NCOR1: variants seen among roughly 807,000 people sequenced by gnomAD.
The protein encoded by NCOR1 is nuclear receptor corepressor 1, also known as protein phosphatase 1, regulatory subunit 109.
NCOR1 carries 63 observed loss-of-function variants against 288.1 expected under a neutral mutation model. The observed-to-expected ratio is 0.22, with a 90% CI of 0.18 to 0.27. NCOR1 has a LOEUF of 0.27. NCOR1 is among the 10% of genes least tolerant of loss of function. The probability of loss-of-function intolerance (pLI) is 1.00; values close to 1 mark genes in which losing one functional copy is unlikely to be tolerated. For missense variants in NCOR1, 2,397 were observed against 3,019.2 expected, an observed-to-expected ratio of 0.79 and a Z score of 4.83; for synonymous variants, 1,007 against 1,065.9, an observed-to-expected ratio of 0.94 and a Z score of 1.08.
Position 16,215,442 on chromosome 17 carries a change from G to A in NCOR1, c.-151C>T, listed in dbSNP as rs2092469411. 2 of 397,274 alleles carry A rather than the reference G, an allele frequency of 5.0e-6. No homozygotes were observed. The highest frequency in any genetic ancestry group is 8.9e-6 in the Non-Finnish European group (2 of 225,228). 24.6% of individuals were successfully genotyped at this position (397,274 alleles called of 1,614,324 possible). ...CGGCCACGGCGCGCGGCCCTACACC[G>A]GGACCTCGTTCGGCGCGGCGAGTCG... is the stretch of plus-strand genomic sequence containing the variant. On this transcript the variant is annotated 5_prime_UTR_variant, in exon 1 of 46. Transcript: ENST00000268712.
chr17:16,159,788 C>T (rs1041486306), intron 5 of NCOR1, among the ~76,000 whole-genome samples: 1 of 151,388 alleles, frequency 6.6e-6, no homozygotes, highest in African/African-American at 2.4e-5. Flanking sequence ...GCCTCAGGGT[C>T]ACCCTTTACA....
intron 3 of NCOR1, among the ~76,000 whole-genome samples, chr17:16,177,411 A>AC (rs1233178070): frequency 6.6e-6 from 1 of 150,444 alleles, no homozygotes; most frequent in African/African-American, 2.5e-5. Context: ...TTTTCCAGGA[A>AC]TATATTCGCC....
At chr17:16,168,885 T>G (rs74392766) in intron 4 of NCOR1, among the ~76,000 whole-genome samples, 1 of 150,766 alleles carries the variant, frequency 6.6e-6, no homozygotes, top group Non-Finnish European at 1.5e-5. Context: ...GCAGGAGAAT[T>G]GCTGGGAGGT....
intron 13 of NCOR1, 86 bp from the exon 14 acceptor site, chr17:16,137,498 G>A: frequency 6.0e-6 from 4 of 671,768 alleles, no homozygotes; most frequent in Non-Finnish European, 9.4e-6. Context: ...GAAAATCTCT[G>A]GTATTCTGAA....
Position 16,215,271 on chromosome 17 carries a change from G to A in NCOR1, c.-71+91C>T, listed in dbSNP as rs1185935825. The A allele has an allele frequency of 1.3e-5, 5 of 387,592 alleles. No homozygotes were observed. The East Asian group carries it at 1.5e-4, about 11-fold the overall frequency. The allele number at this position is 387,592 out of a possible 1,614,324, so 24.0% of individuals were successfully genotyped here. ...ACACCCCCCGCCCGGCGGAGAAACC[G>A]TCCCAGCGGCTGCTGCCCCGGGAGC... On this transcript the variant is annotated intron_variant, in intron 1 of 45. Transcript: ENST00000268712.
At chr17:16,119,961 A>G (rs1040885978) in intron 16 of NCOR1, among the ~76,000 whole-genome samples, 2 of 152,136 alleles carry the variant, frequency 1.3e-5, no homozygotes, top group Non-Finnish European at 2.9e-5. Context: ...CATGAACTGA[A>G]TATGTTCTCT....
intron 40 of NCOR1, among the ~76,000 whole-genome samples, chr17:16,052,867 A>C (rs1196851708): frequency 1.3e-5 from 2 of 152,190 alleles, no homozygotes; most frequent in Non-Finnish European, 2.9e-5. Flanking sequence ...CTGGCAAACC[A>C]AACCCAGCAA....
chr17:16,196,798 C>T (rs2089906049), intron 1 of NCOR1, among the ~76,000 whole-genome samples: 2 of 145,614 alleles, frequency 1.4e-5, no homozygotes, highest in African/African-American at 5.1e-5. Flanking sequence ...GCATGCCAGC[C>T]TGGGCAACAG....
intron 23 of NCOR1, 59 bp from the exon 24 acceptor site, chr17:16,080,786 T>C (rs180897999): frequency 1.3e-6 from 2 of 1,502,194 alleles, no homozygotes; most frequent in East Asian, 2.3e-5. Flanking sequence ...TTTCACAAGG[T>C]CAATTTCACA....
intron 15 of NCOR1, among the ~76,000 whole-genome samples, chr17:16,124,324 G>T (rs1318121417): frequency 6.6e-6 from 1 of 152,132 alleles, no homozygotes; most frequent in Non-Finnish European, 1.5e-5. Flanking sequence ...CATACATACT[G>T]TATGATTTCA....
chr17:16,092,668 TATATATATATATATATATA>T (rs1567957330), intron 21 of NCOR1, among the ~76,000 whole-genome samples: 2 of 14,326 alleles, frequency 1.4e-4, no homozygotes, highest in African/African-American at 7.3e-4. Context: ...TATATATATA[TATATATATATATATATATA>T]TATATATATT....
intron 9 of NCOR1, among the ~76,000 whole-genome samples, chr17:16,147,273 G>C (rs865781596): frequency 6.6e-6 from 1 of 152,104 alleles, no homozygotes; most frequent in Middle Eastern, 3.2e-3. Flanking sequence ...GCCAGGCGTG[G>C]TGGTGGGCAC....
intron 1 of NCOR1, among the ~76,000 whole-genome samples, chr17:16,204,517 G>C (rs1165596949): frequency 6.6e-6 from 1 of 152,166 alleles, no homozygotes; most frequent in African/African-American, 2.4e-5. Context: ...ATGTTTCCAA[G>C]TATCATATAT....
chr17:16,126,832 C>T (rs1475755286), intron 14 of NCOR1, among the ~76,000 whole-genome samples: 1 of 152,122 alleles, frequency 6.6e-6, no homozygotes, highest in Non-Finnish European at 1.5e-5. Context: ...AAACCTGTGA[C>T]TCTAAAAGAA....
At chr17:16,151,694 T>C (rs2078892273) in intron 8 of NCOR1, 2 of 1,250,886 alleles carry the variant, frequency 1.6e-6, no homozygotes, top group African/African-American at 3.0e-5. Flanking sequence ...TCCACCTTTT[T>C]TACTAGCAGA....
At chr17:16,213,593 G>A (rs761828906) in intron 1 of NCOR1, among the ~76,000 whole-genome samples, 1 of 151,608 alleles carries the variant, frequency 6.6e-6, no homozygotes, top group African/African-American at 2.4e-5. Flanking sequence ...TGTAAATGCC[G>A]CGAGAGATGT....
At chr17:16,121,371 T>A in intron 15 of NCOR1, 102 bp from the exon 16 acceptor site, 1 of 954,640 alleles carries the variant, frequency 1.0e-6, no homozygotes, top group Non-Finnish European at 1.5e-6. Flanking sequence ...TGAATAAAAC[T>A]ACCTAATCTC....
intron 19 of NCOR1, among the ~76,000 whole-genome samples, chr17:16,105,915 C>T (rs1223284986): frequency 2.0e-5 from 3 of 152,148 alleles, no homozygotes; most frequent in East Asian, 3.9e-4. Flanking sequence ...GCCTGACCAA[C>T]GTAGCGAAAC....
chr17:16,130,698 T>C (rs916851530), intron 14 of NCOR1, among the ~76,000 whole-genome samples: 6 of 152,224 alleles, frequency 3.9e-5, no homozygotes, highest in African/African-American at 1.4e-4. Context: ...TTTATTTTCA[T>C]TGTGAGACAG....
Sources: gnomAD v4.1 joint callset for allele counts (sites outside exome capture counted in the v4.1 genomes callset) on GRCh38, gnomAD v4.1.1 for gene constraint, MANE v1.5 for transcripts, NCBI Gene and HGNC (gene_info 2026-07-23, HGNC 2026-07-21) for gene names.